The following ZNF730 variants were observed in gnomAD, a reference collection of about 807,000 sequenced individuals.
ZNF730 encodes zinc finger protein 730, also known as putative zinc finger protein 730.
A neutral mutation model predicts 12.6 loss-of-function variants in ZNF730; 12 were observed. That is an observed-to-expected ratio of 0.95 (90% CI 0.61 to 1.54). The LOEUF is 1.54. ZNF730 is among the 40% of genes most tolerant of loss of function. The pLI, the probability that ZNF730 is intolerant of heterozygous loss-of-function variation, is 0.00. For synonymous variants in ZNF730, 194 were observed against 195.8 expected, an observed-to-expected ratio of 0.99 and a Z score of 0.08; for missense variants, 643 against 583.5, an observed-to-expected ratio of 1.10 and a Z score of -1.05.
intron 1 of ZNF730, among the ~76,000 whole-genome samples, chr19:23,107,544 G>A (rs527992667): frequency 8.2e-4 from 118 of 143,904 alleles, no homozygotes; most frequent in African/African-American, 2.8e-3. Flanking sequence ...GCCCAAGCTC[G>A]TCTTGAACTC....
chr19:23,091,558 C>T (rs62122966), intron 1 of ZNF730, among the ~76,000 whole-genome samples: 6,714 of 152,278 alleles, frequency 0.044, 176 homozygotes, highest in East Asian at 0.11. Context: ...GGAGCTGTTC[C>T]GGATCATGGG....
chr19:23,130,528 G>A (rs1479830184), intron 1 of ZNF730, among the ~76,000 whole-genome samples: 1 of 152,148 alleles, frequency 6.6e-6, no homozygotes, highest in Non-Finnish European at 1.5e-5. Context: ...TTTCGGCCAT[G>A]TTCTTTATAT....
At position 23,085,836 on chromosome 19, in the gene ZNF730, C is replaced by CTTTTTTTTTTTT. The variant is rs556123915; in HGVS notation, c.-94+10465_-94+10476dup. Among the ~76,000 whole-genome samples, 172 of 54,860 alleles carry CTTTTTTTTTTTT rather than the reference C, an allele frequency of 3.1e-3. 32 individuals carry two copies. Among genetic ancestry groups the CTTTTTTTTTTTT allele is most frequent in the African/African-American group, 4.9e-3 (59 of 12,036 alleles). 36.0% of individuals were successfully genotyped at this position (54,860 alleles called of 152,430 possible). On this transcript the variant is annotated intron_variant, in intron 1 of 2. Transcript: ENST00000593635. ...GACCTATTTCACCCAATTTTTTTTTCTTTTTTTTTTTTTTTTTTTTTTTTT... is the reference window on the plus strand; with the variant it reads ...GACCTATTTCACCCAATTTTTTTTTCTTTTTTTTTTTTTTTTTTTTTTTTTTTTTTTTTTTTT...
In ZNF730 at chr19:23,145,588, T is replaced by C. The variant is rs552529340; in HGVS notation, c.544T>C (p.Phe182Leu). ...CAAATGTAAAGAATGTGGAAAATTA[T>C]TTTGCATTCTTTCACACTTAGCTCA... is the stretch of plus-strand genomic sequence containing the variant. ...PFKCKECGKL[F>L]CILSHLAQHK... Residue 182 changes from phenylalanine (F) to leucine (L), a missense_variant, in exon 4 of 4, where the codon TTT becomes CTT. Transcript: ENST00000597761. The C allele has an allele frequency of 2.0e-5, 31 of 1,542,836 alleles. No individual in the cohort carries two copies. Among genetic ancestry groups the C allele is most frequent in the Non-Finnish European group, 2.6e-5 (30 of 1,145,284 alleles).
At position 23,146,602 on chromosome 19, in the gene ZNF730, A is replaced by T. The variant is rs1288103306; in HGVS notation, c.*46A>T. 1.3e-6 allele frequency: 2 copies of T among 1,586,292 alleles called. No homozygotes were observed. Among genetic ancestry groups the T allele is most frequent in the Non-Finnish European group, 1.7e-6 (2 of 1,159,130 alleles). ...AGCTTTTAAACAATCTTTATACCTT[A>T]CTACACATAAGATAATTCATACTGA... On this transcript the variant is annotated 3_prime_UTR_variant, in exon 4 of 4. Coordinates refer to ENST00000597761, the MANE Select transcript of ZNF730 (RefSeq NM_001277403.2).
chr19:23,097,735 T>A (rs1326517690), intron 1 of ZNF730, among the ~76,000 whole-genome samples: 9 of 152,182 alleles, frequency 5.9e-5, no homozygotes, highest in Admixed American at 5.9e-4. Context: ...TCCACGGGGA[T>A]GATTGTGTCA....
At chr19:23,132,957 G>A (rs1010545128) in intron 1 of ZNF730, among the ~76,000 whole-genome samples, 8 of 151,470 alleles carry the variant, frequency 5.3e-5, no homozygotes, top group Non-Finnish European at 1.0e-4. Flanking sequence ...CTTTTGGAGG[G>A]CCACTATTAC....
Position 23,146,432 on chromosome 19 carries a change from G to A in ZNF730, c.1388G>A (p.Arg463Gln), listed in dbSNP as rs764564973. Reference protein sequence around the residue: ...ECEECGKAFNRSSTLTTHKII... With the variant: ...ECEECGKAFNQSSTLTTHKII... ...GAAGAATGTGGCAAAGCTTTTAACC[G>A]GTCCTCAACCCTCACTACACATAAG... The change falls in exon 4 of 4, where the codon CGG becomes CAG. Residue 463 changes from arginine (R) to glutamine (Q), a missense_variant. Arg to Gln is a conservative substitution (Grantham distance 43, BLOSUM62 1). Coordinates refer to ENST00000597761, the MANE Select transcript of ZNF730 (RefSeq NM_001277403.2). 60 of 1,599,224 alleles carry A rather than the reference G, an allele frequency of 3.8e-5. No individual in the cohort carries two copies. Among genetic ancestry groups the A allele is most frequent in the Middle Eastern group, 1.7e-4 (1 of 5,972 alleles).
intron 1 of ZNF730, among the ~76,000 whole-genome samples, chr19:23,096,857 T>C (rs1970259924): frequency 6.6e-6 from 1 of 152,202 alleles, no homozygotes; most frequent in Non-Finnish European, 1.5e-5. Context: ...GCGTACAGTG[T>C]GTATTGTGAC....
intron 1 of ZNF730, among the ~76,000 whole-genome samples, chr19:23,124,459 A>G (rs1970638886): frequency 1.3e-5 from 2 of 152,206 alleles, no homozygotes; most frequent in Non-Finnish European, 2.9e-5. Flanking sequence ...CAGGTTCTGG[A>G]GCTCGACCAG....
At chr19:23,111,792 T>G (rs561887933) in intron 1 of ZNF730, among the ~76,000 whole-genome samples, 1 of 151,978 alleles carries the variant, frequency 6.6e-6, no homozygotes, top group South Asian at 2.1e-4. Context: ...CAAAACTAAC[T>G]AAATTGACTG....
chr19:23,083,245 G>C (rs2145448511), intron 1 of ZNF730, among the ~76,000 whole-genome samples: 1 of 152,028 alleles, frequency 6.6e-6, no homozygotes, highest in East Asian at 1.9e-4. Context: ...CCAATACGGT[G>C]ACAACCTGCC....
intron 3 of ZNF730, among the ~76,000 whole-genome samples, chr19:23,141,767 T>G (rs1261449563): frequency 6.6e-6 from 1 of 152,192 alleles, no homozygotes; most frequent in Non-Finnish European, 1.5e-5. Flanking sequence ...CCTAGGACGT[T>G]GTCTATGAAG....
intron 1 of ZNF730, among the ~76,000 whole-genome samples, chr19:23,077,179 A>T (rs150396583): frequency 1.4e-3 from 215 of 152,262 alleles, no homozygotes; most frequent in African/African-American, 5.0e-3. Context: ...ACTGGGGTCT[A>T]TTGGAAGGAG....
At chr19:23,121,534 G>A (rs1376777226) in intron 1 of ZNF730, among the ~76,000 whole-genome samples, 1 of 152,218 alleles carries the variant, frequency 6.6e-6, no homozygotes, top group Middle Eastern at 3.4e-3. Context: ...TAGAGACCAG[G>A]TTTCACCATG....
chr19:23,134,032 C>T (rs751681931), intron 1 of ZNF730, 48 bp from the exon 2 acceptor site: 2 of 1,602,962 alleles, frequency 1.2e-6, no homozygotes, highest in Non-Finnish European at 1.7e-6. Flanking sequence ...ACTTAAAATT[C>T]TGCCCAGGGG....
At chr19:23,076,978 C>T (rs997383492) in intron 1 of ZNF730, among the ~76,000 whole-genome samples, 22 of 152,082 alleles carry the variant, frequency 1.4e-4, no homozygotes, top group African/African-American at 5.3e-4. Context: ...AAATGTGGTA[C>T]ATATACACCA....
rs900974480 is a variant in ZNF730 at position 23,087,277 on chromosome 19, G to A, written c.-94+11890G>A. Among the ~76,000 whole-genome samples the A allele has an allele frequency of 7.9e-5, 12 of 152,112 alleles. No individual in the cohort carries two copies. In the East Asian group the frequency reaches 1.2e-3, roughly 15 times the overall value. ...ACAAAAATTAGCCAGGCATGGTGGC[G>A]GGTGCCTGTAATCCCAGGTACTCAG... On this transcript the variant is annotated intron_variant, in intron 1 of 2. Transcript: ENST00000593635.
intron 1 of ZNF730, among the ~76,000 whole-genome samples, chr19:23,101,046 G>A (rs1463720235): frequency 1.3e-5 from 2 of 152,202 alleles, no homozygotes; most frequent in Non-Finnish European, 2.9e-5. Context: ...AGATGTTGAT[G>A]CTCATATCTG....
Sources: allele counts gnomAD v4.1 joint callset (sites outside exome capture counted in the v4.1 genomes callset), GRCh38; gene constraint gnomAD v4.1.1; transcripts MANE v1.5; gene names NCBI Gene and HGNC (gene_info 2026-07-23, HGNC 2026-07-21).